PHACTR1: variants seen among roughly 807,000 people sequenced by gnomAD.
PHACTR1 encodes the protein phosphatase and actin regulator 1, also known as RPEL repeat containing 1.
A neutral mutation model predicts 69.2 loss-of-function variants in PHACTR1; 16 were observed. That is an observed-to-expected ratio of 0.23 (90% CI 0.16 to 0.35). PHACTR1 has a LOEUF of 0.35. Among genes scored for constraint, PHACTR1 ranks in the 10% least tolerant of loss-of-function variants. The probability of loss-of-function intolerance (pLI) is 1.00; values close to 1 mark genes in which losing one functional copy is unlikely to be tolerated. For synonymous variants in PHACTR1, 312 were observed against 284.5 expected (o/e 1.10, Z -0.97); for missense variants, 510 against 734.7 (o/e 0.69, Z 3.54).
At chr6:12,725,183 G>A (rs1762625370) in intron 3 of PHACTR1, among the ~76,000 whole-genome samples, 1 of 152,052 alleles carries the variant, frequency 6.6e-6, no homozygotes, top group South Asian at 2.1e-4. Context: ...TCCACTCTTT[G>A]CCCACTCTGT....
chr6:12,745,802 T>C (rs1765715180), intron 3 of PHACTR1, among the ~76,000 whole-genome samples: 1 of 152,218 alleles, frequency 6.6e-6, no homozygotes. Flanking sequence ...TTTAAGATCA[T>C]GATATCTGAC....
chr6:12,902,362 G>A (rs1366937279), intron 4 of PHACTR1, among the ~76,000 whole-genome samples: 4 of 152,224 alleles, frequency 2.6e-5, no homozygotes, highest in African/African-American at 9.6e-5. Flanking sequence ...GGCAGAAGTT[G>A]CAGTGACCAG....
intron 4 of PHACTR1, among the ~76,000 whole-genome samples, chr6:12,974,918 G>A (rs1794679278): frequency 6.6e-6 from 1 of 152,170 alleles, no homozygotes. Flanking sequence ...TAAGTGTGTA[G>A]AAATTGGGGT....
intron 4 of PHACTR1, among the ~76,000 whole-genome samples, chr6:12,770,481 T>A (rs1769241388): frequency 6.6e-6 from 1 of 152,012 alleles, no homozygotes; most frequent in Admixed American, 6.5e-5. Context: ...CCTCAAAGGA[T>A]GAGTAGGATA....
At chr6:13,082,920 T>A (rs1484955410) in intron 5 of PHACTR1, among the ~76,000 whole-genome samples, 6 of 152,212 alleles carry the variant, frequency 3.9e-5, no homozygotes, top group Non-Finnish European at 8.8e-5. Flanking sequence ...TGGTGGTTTC[T>A]TTTGCTGTGC....
intron 5 of PHACTR1, among the ~76,000 whole-genome samples, chr6:13,128,004 G>A (rs532878755): frequency 1.3e-4 from 20 of 151,156 alleles, no homozygotes; most frequent in Non-Finnish European, 2.4e-4. Context: ...CATGGCGGCC[G>A]GAAGGAGAAG....
At chr6:12,884,908 G>C (rs952781485) in intron 4 of PHACTR1, among the ~76,000 whole-genome samples, 1 of 152,128 alleles carries the variant, frequency 6.6e-6, no homozygotes, top group Non-Finnish European at 1.5e-5. Context: ...ACACTTACAA[G>C]ATGGCTTACT....
intron 4 of PHACTR1, among the ~76,000 whole-genome samples, chr6:12,845,243 C>T (rs1582051131): frequency 6.6e-6 from 1 of 152,036 alleles, no homozygotes; most frequent in Non-Finnish European, 1.5e-5. Context: ...TCAGTTATTT[C>T]GGTCTCTTTT....
chr6:12,818,027 A>G (rs962037323), intron 4 of PHACTR1, among the ~76,000 whole-genome samples: 5 of 151,868 alleles, frequency 3.3e-5, no homozygotes, highest in African/African-American at 1.2e-4. Context: ...GTTTCACCAT[A>G]TTAGCCAGGA....
chr6:13,176,803 CAT>C (rs1761380011), intron 6 of PHACTR1, among the ~76,000 whole-genome samples: 1 of 152,026 alleles, frequency 6.6e-6, no homozygotes, highest in Non-Finnish European at 1.5e-5. Flanking sequence ...AGCAATTCTT[CAT>C]AGTCATATTC....
intron 4 of PHACTR1, among the ~76,000 whole-genome samples, chr6:12,817,009 G>A (rs1368763068): frequency 6.6e-6 from 1 of 152,204 alleles, no homozygotes; most frequent in Non-Finnish European, 1.5e-5. Flanking sequence ...GGGTGCATGT[G>A]TGTGCCTGCC....
At position 12,749,780 on chromosome 6, in the gene PHACTR1, C is replaced by G. The variant is rs1766336614; in HGVS notation, c.240C>G (p.Asn80Lys). Residue 80 changes from asparagine to lysine, a missense_variant, in exon 4 of 15, where the codon AAC becomes AAG. Around this residue, in one of 2 missense-constraint regions of PHACTR1, gnomAD observed 419 missense variants for 530.9 expected, o/e 0.79. Transcript: ENST00000332995. ...PYLAEARISF[N>K]LGAAEEVERL... ...TCGCAGAGGCCAGGATCTCCTTTAA[C>G]CTGGGGGCAGGTAAGAACGCCCCTG... 6.2e-7 allele frequency: 1 copy of G among 1,604,252 alleles called. No individual in the cohort carries two copies. Among genetic ancestry groups the G allele is most frequent in the South Asian group, 1.1e-5 (1 of 90,934 alleles).
At chr6:12,905,742 C>A (rs1347842469) in intron 4 of PHACTR1, among the ~76,000 whole-genome samples, 4 of 152,170 alleles carry the variant, frequency 2.6e-5, no homozygotes, top group African/African-American at 9.7e-5. Context: ...ATGTAACAAC[C>A]ATAAATTCAT....
intron 4 of PHACTR1, among the ~76,000 whole-genome samples, chr6:12,927,449 T>C (rs1412669402): frequency 2.6e-5 from 4 of 152,222 alleles, no homozygotes; most frequent in Non-Finnish European, 5.9e-5. Flanking sequence ...AAATCTCTTA[T>C]ATTGTAGGAA....
At chr6:12,748,185 C>T (rs1233177681) in intron 3 of PHACTR1, among the ~76,000 whole-genome samples, 4 of 152,056 alleles carry the variant, frequency 2.6e-5, no homozygotes, top group Non-Finnish European at 5.9e-5. Flanking sequence ...CATTATGGTA[C>T]AGATAGAGGA....
chr6:12,737,706 T>G (rs1561834576), intron 3 of PHACTR1, among the ~76,000 whole-genome samples: 1 of 152,006 alleles, frequency 6.6e-6, no homozygotes, highest in Non-Finnish European at 1.5e-5. Context: ...GCGATCCTCT[T>G]GCCTCAGTTT....
Position 13,003,950 on chromosome 6 carries a change from C to CATATATATATATATATAT in PHACTR1, c.251-49415_251-49414insATATATATATATATATAT, listed in dbSNP as rs1562119669. 2.9e-3 allele frequency among the ~76,000 whole-genome samples: 237 copies of CATATATATATATATATAT among 81,322 alleles called. 10 individuals are homozygous for CATATATATATATATATAT. Among genetic ancestry groups the CATATATATATATATATAT allele is most frequent in the African/African-American group, 4.8e-3 (76 of 15,790 alleles). The allele number at this position is 81,322 out of a possible 152,430, so 53.4% of individuals were successfully genotyped here. A position where few individuals can be genotyped will look rare whatever the true frequency, so the allele number is the denominator to read the frequency against. On this transcript the variant is annotated intron_variant, in intron 4 of 14. Transcript: ENST00000332995. Reference sequence around the variant, plus strand: ...TCTTTTTTTATGGCTCAGTAGTATTCCTATATATATATATGTATATATATA... The same window carrying CATATATATATATATATAT: ...TCTTTTTTTATGGCTCAGTAGTATTCATATATATATATATATATCTATATATATATATGTATATATATA...
chr6:13,072,364 G>A (rs1190844824), intron 5 of PHACTR1, among the ~76,000 whole-genome samples: 1 of 151,822 alleles, frequency 6.6e-6, no homozygotes, highest in African/African-American at 2.4e-5. Context: ...ATTCTGACTA[G>A]AAGAAAACTT....
chr6:12,906,076 T>C (rs545577507), intron 4 of PHACTR1, among the ~76,000 whole-genome samples: 1 of 152,342 alleles, frequency 6.6e-6, no homozygotes, highest in East Asian at 1.9e-4. Context: ...TCATTGTCTA[T>C]ATATGAGATA....
Sources: allele counts gnomAD v4.1 joint callset (sites outside exome capture counted in the v4.1 genomes callset), GRCh38; gene constraint gnomAD v4.1.1; regional missense constraint gnomAD v4.1.1; transcripts MANE v1.5; gene names NCBI Gene and HGNC (gene_info 2026-07-23, HGNC 2026-07-21).